The following PLEKHA7 variants were observed in gnomAD, a reference collection of about 807,000 sequenced individuals.
PLEKHA7 encodes pleckstrin homology domain-containing family A member 7.
PLEKHA7 carries 104 observed loss-of-function variants against 170.0 expected under a neutral mutation model. The ratio of observed to expected loss-of-function variants is 0.61; its 90% CI spans 0.52 to 0.72. The LOEUF (loss-of-function observed/expected upper bound fraction) is 0.72. PLEKHA7 is among the 30% of genes least tolerant of loss of function. The pLI is 0.00. For synonymous variants in PLEKHA7, 648 were observed against 660.8 expected, an observed-to-expected ratio of 0.98 and a Z score of 0.30; for missense variants, 1,615 against 1,671.7, an observed-to-expected ratio of 0.97 and a Z score of 0.59.
intron 3 of PLEKHA7, among the ~76,000 whole-genome samples, chr11:16,890,612 G>A (rs1194604957): frequency 6.6e-6 from 1 of 152,176 alleles, no homozygotes; most frequent in Non-Finnish European, 1.5e-5. Context: ...AGTATTAAGA[G>A]TTGTAGGACT....
intron 3 of PLEKHA7, among the ~76,000 whole-genome samples, chr11:17,004,418 G>GT (rs1357142813): frequency 7.2e-6 from 1 of 138,822 alleles, no homozygotes; most frequent in Non-Finnish European, 1.5e-5. Context: ...TTAAGACACT[G>GT]TTTCACTCTT....
At chr11:16,868,232 T>C (rs1014995917) in intron 4 of PLEKHA7, among the ~76,000 whole-genome samples, 3 of 152,220 alleles carry the variant, frequency 2.0e-5, no homozygotes, top group Admixed American at 1.3e-4. Context: ...GATCTCTTAT[T>C]ACCAGAGCAG....
chr11:16,801,743 C>T lies in PLEKHA7; in HGVS notation c.2232G>A (p.Glu744=), dbSNP rs767677314. 1.2e-6 allele frequency: 2 copies of T among 1,614,216 alleles called. No homozygotes were observed. The highest frequency in any genetic ancestry group is 2.2e-5 in the South Asian group (2 of 91,084). The change falls in exon 16 of 27, where the codon GAG becomes GAA. Residue 744 remains glutamate, a synonymous_variant. Coordinates refer to ENST00000531066, the MANE Select transcript of PLEKHA7 (RefSeq NM_001329630.2). ...GCAACTTCTGCTGGTAGGCAATCTTCTCCAAGTGCTGGGGCTGGTCTCGGT... is the reference window on the plus strand; with the variant it reads ...GCAACTTCTGCTGGTAGGCAATCTTTTCCAAGTGCTGGGGCTGGTCTCGGT... ...EQYRDQPQHL[E]KIAYQQKLLQ...
At chr11:16,850,179 G>C (rs1207904945) in intron 8 of PLEKHA7, among the ~76,000 whole-genome samples, 6 of 152,224 alleles carry the variant, frequency 3.9e-5, no homozygotes, top group Admixed American at 1.3e-4. Flanking sequence ...TCTATGGCTG[G>C]AAAGCGTGAC....
At chr11:16,977,464 T>G (rs1016774687) in intron 3 of PLEKHA7, among the ~76,000 whole-genome samples, 10 of 152,194 alleles carry the variant, frequency 6.6e-5, no homozygotes, top group Admixed American at 5.9e-4. Flanking sequence ...TTGTTTTCTA[T>G]GCCCCTATTT....
At chr11:16,797,320 G>A (rs1288447747) in intron 17 of PLEKHA7, among the ~76,000 whole-genome samples, 1 of 152,088 alleles carries the variant, frequency 6.6e-6, no homozygotes, top group Non-Finnish European at 1.5e-5. Context: ...ATAAAGGCAG[G>A]CTTCCCACCC....
intron 3 of PLEKHA7, among the ~76,000 whole-genome samples, chr11:16,904,670 T>G (rs1857542239): frequency 6.6e-6 from 1 of 152,198 alleles, no homozygotes; most frequent in Non-Finnish European, 1.5e-5. Context: ...AATAAAAGCA[T>G]ACATAATAAA....
chr11:16,959,269 T>C (rs941391374), intron 3 of PLEKHA7, among the ~76,000 whole-genome samples: 7 of 152,088 alleles, frequency 4.6e-5, no homozygotes, highest in Non-Finnish European at 7.3e-5. Flanking sequence ...GTTTCCTTCT[T>C]TGCTCTCATG....
chr11:16,942,823 T>G (rs1345851995), intron 3 of PLEKHA7, among the ~76,000 whole-genome samples: 1 of 152,256 alleles, frequency 6.6e-6, no homozygotes, highest in African/African-American at 2.4e-5. Flanking sequence ...ACTTTCTTCT[T>G]GCCCCTCCCA....
At chr11:16,889,414 AAAAAAAATATATATAT>A (rs1388018539) in intron 3 of PLEKHA7, among the ~76,000 whole-genome samples, 3 of 114,914 alleles carry the variant, frequency 2.6e-5, no homozygotes, top group Admixed American at 9.5e-5. Context: ...AAAAAAAAAA[AAAAAAAATATATATAT>A]ATATATATAT....
At chr11:16,902,850 G>A (rs1374691009) in intron 3 of PLEKHA7, among the ~76,000 whole-genome samples, 1 of 152,136 alleles carries the variant, frequency 6.6e-6, no homozygotes, top group African/African-American at 2.4e-5. Flanking sequence ...CAGACAGCTG[G>A]GCACACAATA....
intron 12 of PLEKHA7, among the ~76,000 whole-genome samples, chr11:16,813,620 C>T (rs976446153): frequency 2.0e-5 from 3 of 152,174 alleles, no homozygotes; most frequent in Non-Finnish European, 4.4e-5. Context: ...TGGGTGGATG[C>T]CTTGAAGAGG....
rs1230038825 is a variant in PLEKHA7 at position 16,829,430 on chromosome 11, T to G, written c.873-2840A>C. 2.0e-5 allele frequency among the ~76,000 whole-genome samples: 3 copies of G among 152,184 alleles called. No individual in the cohort carries two copies. In the East Asian group the frequency reaches 5.8e-4, roughly 29 times the overall value. ...TGAGATAGTAATGAGTGAGGGCCCA[T>G]TCATTGTTAACATTCAGTGGCTCTA... On this transcript the variant is annotated intron_variant, in intron 9 of 26. Coordinates refer to ENST00000531066, the MANE Select transcript of PLEKHA7 (RefSeq NM_001329630.2).
intron 4 of PLEKHA7, among the ~76,000 whole-genome samples, chr11:16,861,522 G>A (rs1166616811): frequency 6.6e-6 from 1 of 151,958 alleles, no homozygotes. Flanking sequence ...GGTGGTGCAC[G>A]CCTGTAGTCC....
chr11:16,941,111 C>A (rs1222969981), intron 3 of PLEKHA7, among the ~76,000 whole-genome samples: 2 of 152,210 alleles, frequency 1.3e-5, no homozygotes, highest in Admixed American at 1.3e-4. Flanking sequence ...GCTTCCCTTA[C>A]TGGCTGGGTG....
chr11:16,986,695 T>A (rs1303329776), intron 3 of PLEKHA7, among the ~76,000 whole-genome samples: 1 of 152,132 alleles, frequency 6.6e-6, no homozygotes, highest in East Asian at 1.9e-4. Flanking sequence ...ACAACCTGAG[T>A]AACCTTGGGC....
intron 13 of PLEKHA7, among the ~76,000 whole-genome samples, chr11:16,804,891 G>GC (rs1384365769): frequency 6.6e-6 from 1 of 152,156 alleles, no homozygotes; most frequent in Non-Finnish European, 1.5e-5. Context: ...CTGCAATGCG[G>GC]GGGGGGCGGT....
chr11:16,829,532 G>C (rs1338428988), intron 9 of PLEKHA7, among the ~76,000 whole-genome samples: 1 of 152,178 alleles, frequency 6.6e-6, no homozygotes, highest in Non-Finnish European at 1.5e-5. Flanking sequence ...GCCGGGTGCA[G>C]TGGCGTGCCA....
intron 3 of PLEKHA7, among the ~76,000 whole-genome samples, chr11:16,892,900 T>C (rs1856759021): frequency 6.6e-6 from 1 of 152,202 alleles, no homozygotes. Flanking sequence ...AGCACGTTCA[T>C]TATCTGGTGA....
Sources: gnomAD v4.1 joint callset for allele counts (sites outside exome capture counted in the v4.1 genomes callset) on GRCh38, gnomAD v4.1.1 for gene constraint, MANE v1.5 for transcripts, NCBI Gene and HGNC (gene_info 2026-07-23, HGNC 2026-07-21) for gene names.